The following DNAH3 variants were observed in gnomAD, a reference collection of about 807,000 sequenced individuals.
DNAH3 encodes dynein axonemal heavy chain 3.
In DNAH3, 332 loss-of-function variants were observed where a neutral mutation model predicts 432.5. The ratio of observed to expected loss-of-function variants is 0.77; its 90% confidence interval spans 0.70 to 0.84. The LOEUF (loss-of-function observed/expected upper bound fraction) is 0.84. Among genes scored for constraint, DNAH3 ranks in the 40% least tolerant of loss-of-function variants. The pLI is 0.00. For missense variants in DNAH3, 4,861 were observed against 5,114.0 expected, an observed-to-expected ratio of 0.95 and a Z score of 1.51; for synonymous variants, 1,956 against 1,900.2, an observed-to-expected ratio of 1.03 and a Z score of -0.76.
rs374161228 is a variant in DNAH3 at position 21,065,577 on chromosome 16, C to T, written c.3518+1706G>A. ...GCCTTATGTGTCAAAACCAGGGTTC[C>T]TTCCACTATACTGTGCTGTCCAATA... On this transcript the variant is annotated intron_variant, in intron 24 of 61. Coordinates refer to ENST00000261383, the Ensembl canonical transcript of DNAH3. 1.2e-4 allele frequency among the ~76,000 whole-genome samples: 18 copies of T among 152,220 alleles called. No individual in the cohort carries two copies. In the South Asian group the frequency reaches 3.1e-3, roughly 26 times the overall value.
chr16:21,044,423 C>T (rs1347181333), intron 31 of DNAH3, among the ~76,000 whole-genome samples: 1 of 137,602 alleles, frequency 7.3e-6, no homozygotes, highest in African/African-American at 2.7e-5. Flanking sequence ...GTATTTTATT[C>T]TCTTTGAAGC....
chr16:21,009,981 GAGAAA>G (rs1260005314), intron 41 of DNAH3, among the ~76,000 whole-genome samples: 14 of 143,988 alleles, frequency 9.7e-5, no homozygotes, highest in African/African-American at 3.5e-4. Flanking sequence ...GAGAAGAGAA[GAGAAA>G]AGATTTAACT....
At chr16:20,948,788 G>T (rs2084175681) in intron 56 of DNAH3, 151 bp from the exon 57 acceptor site, 3 of 833,032 alleles carry the variant, frequency 3.6e-6, no homozygotes, top group Admixed American at 2.6e-5. Flanking sequence ...GGCAGAAGAT[G>T]GCGGGTCCCC....
chr16:21,109,231 A>G (rs1258658762), intron 14 of DNAH3, among the ~76,000 whole-genome samples: 1 of 152,202 alleles, frequency 6.6e-6, no homozygotes, highest in Non-Finnish European at 1.5e-5. Context: ...TGACCTCTTC[A>G]TCAATGAATG....
intron 31 of DNAH3, among the ~76,000 whole-genome samples, chr16:21,045,723 A>C (rs1597230218): frequency 1.3e-5 from 2 of 151,416 alleles, no homozygotes; most frequent in Admixed American, 1.3e-4. Context: ...CTAGCTTTCG[A>C]ATGTGTTTGC....
exon 32 of DNAH3, chr16:21,042,051 C>T: frequency 6.2e-7 from 1 of 1,613,834 alleles, no homozygotes; most frequent in Non-Finnish European, 8.5e-7. Context: ...GCAGTTCAGC[C>T]CTGCCAGCAT....
intron 44 of DNAH3, among the ~76,000 whole-genome samples, chr16:20,989,427 G>A (rs2086421319): frequency 6.6e-6 from 1 of 152,150 alleles, no homozygotes; most frequent in East Asian, 1.9e-4. Context: ...GTTTTTCCAA[G>A]GCCCCACCAG....
intron 43 of DNAH3, 81 bp downstream of exon 43, chr16:21,000,143 G>A (rs1307367203): frequency 8.3e-6 from 12 of 1,445,184 alleles, no homozygotes; most frequent in Non-Finnish European, 1.1e-5. Flanking sequence ...ATGTACAGTG[G>A]CACCACAAGC....
intron 32 of DNAH3, among the ~76,000 whole-genome samples, chr16:21,040,871 C>T (rs923802577): frequency 6.6e-6 from 1 of 152,150 alleles, no homozygotes. Flanking sequence ...CCAGCTATTG[C>T]ATTATTATCT....
At chr16:21,134,772 C>T (rs955210197) in intron 6 of DNAH3, among the ~76,000 whole-genome samples, 6 of 151,848 alleles carry the variant, frequency 4.0e-5, no homozygotes, top group Non-Finnish European at 7.4e-5. Context: ...CCTCCACCTC[C>T]GCCTCCTAGG....
At chr16:20,951,702 T>C (rs2084319216) in intron 56 of DNAH3, among the ~76,000 whole-genome samples, 1 of 150,998 alleles carries the variant, frequency 6.6e-6, no homozygotes, top group South Asian at 2.1e-4. Context: ...CCCAAAGTGC[T>C]GGGATTACAG....
exon 12 of DNAH3, chr16:21,117,303 T>G (rs772724118): frequency 2.0e-5 from 33 of 1,610,060 alleles, no homozygotes; most frequent in South Asian, 4.4e-5. Context: ...AGGAGCAGAT[T>G]ATATCCTTTC....
At chr16:20,997,318 A>G in exon 44 of DNAH3, 2 of 1,614,124 alleles carry the variant, frequency 1.2e-6, no homozygotes, top group Non-Finnish European at 1.7e-6. Context: ...GGGGGGCCCC[A>G]TGGCTGTCAC....
intron 55 of DNAH3, 87 bp downstream of exon 55, chr16:20,954,726 G>A (rs1567520209): frequency 8.8e-6 from 13 of 1,469,016 alleles, no homozygotes; most frequent in South Asian, 1.4e-5. Flanking sequence ...CTATCTGAGC[G>A]CAAGCTTAAA....
chr16:21,072,303 G>A (rs2090818105), intron 21 of DNAH3, among the ~76,000 whole-genome samples: 1 of 151,988 alleles, frequency 6.6e-6, no homozygotes. Context: ...GTGCAGGTTG[G>A]TTACATATGT....
chr16:21,155,175 C>T (rs2092890025), intron 1 of DNAH3, among the ~76,000 whole-genome samples: 1 of 151,818 alleles, frequency 6.6e-6, no homozygotes, highest in African/African-American at 2.4e-5. Flanking sequence ...GTCTCGAACC[C>T]CTGACCTCAA....
At chr16:21,018,475 G>A (rs2087975277) in intron 41 of DNAH3, among the ~76,000 whole-genome samples, 1 of 152,068 alleles carries the variant, frequency 6.6e-6, no homozygotes, top group African/African-American at 2.4e-5. Context: ...AAACAAAAGC[G>A]ACTTAGAAGA....
At chr16:21,118,523 C>T (rs1488361077) in intron 11 of DNAH3, among the ~76,000 whole-genome samples, 1 of 152,116 alleles carries the variant, frequency 6.6e-6, no homozygotes, top group Non-Finnish European at 1.5e-5. Flanking sequence ...CTATGTGACT[C>T]CTCAGCTCAA....
Position 20,966,517 on chromosome 16 carries a change from T to C in DNAH3, c.8459-1092A>G, listed in dbSNP as rs573110697. Among the ~76,000 whole-genome samples the C allele has an allele frequency of 9.9e-5, 15 of 152,268 alleles. 1 individual carries two copies. Among genetic ancestry groups the C allele is most frequent in the African/African-American group, 3.6e-4 (15 of 41,552 alleles). On this transcript the variant is annotated intron_variant, in intron 52 of 61. Transcript: ENST00000261383. Reference sequence around the variant, plus strand: ...TCACCTTGCTTGCTAGAAAGTCCATTCCCTTTATAGCACTTATTGCAACCT... The same window carrying C: ...TCACCTTGCTTGCTAGAAAGTCCATCCCCTTTATAGCACTTATTGCAACCT...
Sources: allele counts gnomAD v4.1 joint callset (sites outside exome capture counted in the v4.1 genomes callset), GRCh38; gene constraint gnomAD v4.1.1; transcripts MANE v1.5; gene names NCBI Gene and HGNC (gene_info 2026-07-23, HGNC 2026-07-21).